OPCML: variants seen among roughly 807,000 people sequenced by gnomAD.
OPCML encodes opioid-binding protein/cell adhesion molecule.
Under a neutral mutation model 37.8 loss-of-function variants are expected in OPCML, and 13 were observed. That is an observed-to-expected ratio of 0.34 (90% CI 0.22 to 0.55). The LOEUF is 0.55. Among genes scored for constraint, OPCML ranks in the 20% least tolerant of loss-of-function variants. The probability of loss-of-function intolerance (pLI) is 0.91; values close to 1 mark genes in which losing one functional copy is unlikely to be tolerated. For missense variants in OPCML, 341 were observed against 435.6 expected (o/e 0.78, Z 1.93); for synonymous variants, 176 against 168.8 (o/e 1.04, Z -0.33).
intron 1 of OPCML, among the ~76,000 whole-genome samples, chr11:133,021,458 A>G (rs1344167047): frequency 1.3e-5 from 2 of 152,022 alleles, no homozygotes; most frequent in South Asian, 4.2e-4. Flanking sequence ...CCGAAGACAC[A>G]TTTGTTCTGT....
intron 2 of OPCML, among the ~76,000 whole-genome samples, chr11:132,686,687 G>T (rs541366673): frequency 1.3e-5 from 2 of 152,244 alleles, no homozygotes; most frequent in East Asian, 1.9e-4. Flanking sequence ...TCCTGAGAAG[G>T]TTCCTTAAGC....
chr11:132,451,401 G>A (rs927491821), intron 4 of OPCML, among the ~76,000 whole-genome samples: 5 of 151,990 alleles, frequency 3.3e-5, no homozygotes, highest in East Asian at 1.9e-4. Context: ...GGGCGCAGAC[G>A]GGAGGACACA....
At chr11:132,941,866 C>A (rs1350017870) in intron 2 of OPCML, among the ~76,000 whole-genome samples, 1 of 152,148 alleles carries the variant, frequency 6.6e-6, no homozygotes, top group Non-Finnish European at 1.5e-5. Context: ...AGAGGCTTGT[C>A]TAGATGCAGG....
At chr11:133,055,014 G>A (rs922198963) in intron 1 of OPCML, among the ~76,000 whole-genome samples, 3 of 151,126 alleles carry the variant, frequency 2.0e-5, no homozygotes, top group Non-Finnish European at 4.4e-5. Context: ...CTTCCAAGTA[G>A]TGAGACTCCA....
intron 3 of OPCML, among the ~76,000 whole-genome samples, chr11:132,571,348 A>T (rs190433152): frequency 6.6e-6 from 1 of 151,970 alleles, no homozygotes; most frequent in Non-Finnish European, 1.5e-5. Context: ...TCGCCTTGTG[A>T]TTGTGTGAGC....
intron 1 of OPCML, among the ~76,000 whole-genome samples, chr11:133,398,829 C>T (rs1365668085): frequency 6.6e-6 from 1 of 151,496 alleles, no homozygotes; most frequent in African/African-American, 2.5e-5. Flanking sequence ...ATCTCCCGGC[C>T]AGGGTCCCAT....
chr11:133,505,384 C>G (rs1948003824), intron 1 of OPCML, among the ~76,000 whole-genome samples: 1 of 152,184 alleles, frequency 6.6e-6, no homozygotes, highest in African/African-American at 2.4e-5. Context: ...GGAGAAAGCC[C>G]AGGGGGAACA....
Position 133,140,988 on chromosome 11 carries a change from A to AAGACGAAGAC in OPCML, c.62-197979_62-197978insGTCTTCGTCT. Among the ~76,000 whole-genome samples, 39 of 4,432 alleles carry AAGACGAAGAC rather than the reference A, an allele frequency of 8.8e-3. 16 individuals carry two copies. The highest frequency in any genetic ancestry group is 0.015 in the African/African-American group (39 of 2,618). 2.9% of individuals were successfully genotyped at this position (4,432 alleles called of 152,430 possible). A position where few individuals can be genotyped will look rare whatever the true frequency, so the allele number is the denominator to read the frequency against. ...AAGAAGAAGAAGAAGAAGAAGAAGA[A>AAGACGAAGAC]GAAGAAGAAGACGACGACGACGACG... On this transcript the variant is annotated intron_variant, in intron 1 of 7. Coordinates refer to ENST00000524381, the MANE Select transcript of OPCML (RefSeq NM_001012393.5).
At chr11:133,131,447 T>C (rs969171350) in intron 1 of OPCML, among the ~76,000 whole-genome samples, 3 of 152,078 alleles carry the variant, frequency 2.0e-5, no homozygotes, top group African/African-American at 7.2e-5. Context: ...GAATGACAAG[T>C]TAAAACAACT....
In OPCML at chr11:133,206,828, C is replaced by T. The variant is rs988341214; in HGVS notation, c.62-263818G>A. The stretch of plus-strand genomic sequence containing the variant: ...GCAGCACCCACGCTTACCCTCCACA[C>T]TCTCACGATGTCCACACAGCTACGG... On this transcript the variant is annotated intron_variant, in intron 1 of 7. Coordinates refer to ENST00000524381, the MANE Select transcript of OPCML (RefSeq NM_001012393.5). The surrounding 1 kb of genome is among the most constrained non-coding windows in gnomAD (Gnocchi z 4.7). 3.3e-5 allele frequency among the ~76,000 whole-genome samples: 5 copies of T among 152,196 alleles called. No individual in the cohort carries two copies. The highest frequency in any genetic ancestry group is 2.1e-4 in the South Asian group (1 of 4,834).
intron 1 of OPCML, among the ~76,000 whole-genome samples, chr11:133,508,375 A>G (rs938357307): frequency 6.6e-6 from 1 of 152,208 alleles, no homozygotes; most frequent in Non-Finnish European, 1.5e-5. Flanking sequence ...GACAAGAACC[A>G]CTGGATGTCA....
intron 1 of OPCML, among the ~76,000 whole-genome samples, chr11:132,967,195 C>G (rs2136742686): frequency 6.6e-6 from 1 of 152,050 alleles, no homozygotes; most frequent in Middle Eastern, 3.4e-3. Flanking sequence ...TTAGTGATTG[C>G]TCTAGGACTT....
chr11:133,074,500 T>C (rs529136748), intron 1 of OPCML, among the ~76,000 whole-genome samples: 8 of 152,280 alleles, frequency 5.3e-5, no homozygotes, highest in East Asian at 3.9e-4. Context: ...GAGAAGAAAG[T>C]ATAAACTCTT....
intron 4 of OPCML, among the ~76,000 whole-genome samples, chr11:132,503,231 C>A (rs1201635036): frequency 6.6e-6 from 1 of 152,110 alleles, no homozygotes; most frequent in Non-Finnish European, 1.5e-5. Context: ...AACTTTGAGG[C>A]TACACTTTTT....
chr11:133,105,121 T>C (rs952107296), intron 1 of OPCML, among the ~76,000 whole-genome samples: 2 of 152,236 alleles, frequency 1.3e-5, no homozygotes, highest in Non-Finnish European at 2.9e-5. Flanking sequence ...TCACCTACTA[T>C]GCGTGTTCAA....
chr11:133,077,689 A>G (rs893120720), intron 1 of OPCML, among the ~76,000 whole-genome samples: 1 of 152,234 alleles, frequency 6.6e-6, no homozygotes, highest in African/African-American at 2.4e-5. Flanking sequence ...TTTGCAATGC[A>G]TAAAAACACC....
chr11:132,898,488 C>A (rs1287045467), intron 2 of OPCML, among the ~76,000 whole-genome samples: 1 of 152,186 alleles, frequency 6.6e-6, no homozygotes, highest in Non-Finnish European at 1.5e-5. Flanking sequence ...TGCGTCCCAC[C>A]ATTCTGAAGC....
chr11:133,178,613 AC>A (rs1207373616), intron 1 of OPCML, among the ~76,000 whole-genome samples: 3 of 152,114 alleles, frequency 2.0e-5, no homozygotes, highest in Non-Finnish European at 4.4e-5. Context: ...AATGGAGACA[AC>A]CACTATGTGG....
At position 132,680,800 on chromosome 11, in the gene OPCML, G is replaced by T. The variant is rs541931029; in HGVS notation, c.147-23481C>A. On this transcript the variant is annotated intron_variant, in intron 2 of 7. Coordinates refer to ENST00000524381, the MANE Select transcript of OPCML (RefSeq NM_001012393.5). ...CCTAGCTTGAATCACTCTGGCGGTT[G>T]CATGCTGCCTTCATTAATGAGACTG... Among the ~76,000 whole-genome samples the T allele has an allele frequency of 3.3e-5, 5 of 152,302 alleles. No homozygotes were observed. The South Asian group carries it at 1.0e-3, about 32-fold the overall frequency.
Sources: allele counts gnomAD v4.1 joint callset (sites outside exome capture counted in the v4.1 genomes callset), GRCh38; gene constraint gnomAD v4.1.1; non-coding constraint Gnocchi (gnomAD v3.1); transcripts MANE v1.5; gene names NCBI Gene and HGNC (gene_info 2026-07-23, HGNC 2026-07-21).